PSMA6: variants seen among roughly 807,000 people sequenced by gnomAD.
PSMA6 encodes the protein proteasome 20S subunit alpha 6, also known as proteasome subunit alpha type-6.
For missense variants in PSMA6, 170 were observed against 294.8 expected (o/e 0.58, Z 3.10); for synonymous variants, 88 against 97.7 (o/e 0.90, Z 0.59).
At chr14:35,297,119 G>GTTTTTTTTTT (rs924383407) in intron 1 of PSMA6, among the ~76,000 whole-genome samples, 1 of 62,656 alleles carries the variant, frequency 1.6e-5, no homozygotes, top group Non-Finnish European at 2.9e-5. Flanking sequence ...TCTTAACAAA[G>GTTTTTTTTTT]TTTTTTTTTT....
intron 5 of PSMA6, 28 bp downstream of exon 5, chr14:35,313,087 T>C: frequency 6.5e-7 from 1 of 1,538,626 alleles, no homozygotes; most frequent in Non-Finnish European, 8.7e-7. Flanking sequence ...AGCTGACTTT[T>C]TTTATGCTAT....
At chr14:35,294,022 T>G (rs1360479102) in intron 1 of PSMA6, among the ~76,000 whole-genome samples, 1 of 152,228 alleles carries the variant, frequency 6.6e-6, no homozygotes, top group Non-Finnish European at 1.5e-5. Flanking sequence ...ACAAGTTCAT[T>G]ATCTAGACAG....
upstream of PSMA6, chr14:35,292,324 C>G (rs564068623): frequency 6.8e-7 from 1 of 1,472,048 alleles, no homozygotes; most frequent in African/African-American, 1.4e-5. Context: ...AGTGCTCGAA[C>G]TGGCTCCAGA....
chr14:35,317,426 G>A lies in PSMA6; in HGVS notation c.*120G>A, dbSNP rs1211663111. On this transcript the variant is annotated 3_prime_UTR_variant, in exon 7 of 7. Coordinates refer to ENST00000261479, the MANE Select transcript of PSMA6 (RefSeq NM_002791.3). ...AGCCTCTCCCACTCCTCCTACCACC[G>A]AAGTGGTTAGGACTCTATATAAATA... 8 of 844,212 alleles carry A rather than the reference G, an allele frequency of 9.5e-6. No homozygotes were observed. Among genetic ancestry groups the A allele is most frequent in the South Asian group, 3.0e-5 (2 of 66,198 alleles). 52.3% of individuals were successfully genotyped at this position (844,212 alleles called of 1,614,324 possible). A position where few individuals can be genotyped will look rare whatever the true frequency, so the allele number is the denominator to read the frequency against.
At chr14:35,282,550 G>T (rs752387625) in intron 1 of PSMA6, among the ~76,000 whole-genome samples, 1 of 152,010 alleles carries the variant, frequency 6.6e-6, no homozygotes, top group Non-Finnish European at 1.5e-5. Flanking sequence ...ATGAGCCATT[G>T]CACCTAACCT....
chr14:35,311,483 A>G (rs1393343066), intron 4 of PSMA6, among the ~76,000 whole-genome samples: 1 of 152,192 alleles, frequency 6.6e-6, no homozygotes, highest in African/African-American at 2.4e-5. Context: ...ATTTCTGTTT[A>G]GCATCTGACC....
intron 1 of PSMA6, among the ~76,000 whole-genome samples, chr14:35,307,054 A>C (rs538838163): frequency 6.6e-6 from 1 of 152,216 alleles, no homozygotes; most frequent in Admixed American, 6.5e-5. Context: ...AGGCTGAGGC[A>C]GGAGAATCAC....
rs763278923 is a variant in PSMA6 at position 35,317,326 on chromosome 14, A to G, written c.*20A>G. On this transcript the variant is annotated 3_prime_UTR_variant, in exon 7 of 7. Coordinates refer to ENST00000261479, the MANE Select transcript of PSMA6 (RefSeq NM_002791.3). The stretch of plus-strand genomic sequence containing the variant: ...GACTAAACATTGTCGTTAGTTTACC[A>G]GATCCGTGATGCCACTTACCTGTGT... The G allele has an allele frequency of 3.8e-6, 6 of 1,590,208 alleles. No homozygotes were observed. The East Asian group carries it at 1.1e-4, about 30-fold the overall frequency.
In PSMA6 at chr14:35,295,607, C is replaced by T. The variant is rs140825189; in HGVS notation, c.76+3055C>T. Among the ~76,000 whole-genome samples, 1,283 of 151,934 alleles carry T rather than the reference C, an allele frequency of 8.4e-3. 25 individuals carry two copies. Among genetic ancestry groups the T allele is most frequent in the African/African-American group, 0.029 (1,184 of 41,464 alleles). ...AGCTGGGATTACAGACATGTGCCACCACTCCTGGCTAATTTTGCAGTTTTA... is the reference window on the plus strand; with the variant it reads ...AGCTGGGATTACAGACATGTGCCACTACTCCTGGCTAATTTTGCAGTTTTA... On this transcript the variant is annotated intron_variant, in intron 1 of 6. Coordinates refer to ENST00000261479, the MANE Select transcript of PSMA6 (RefSeq NM_002791.3).
chr14:35,309,263 T>A (rs7156874), intron 3 of PSMA6, among the ~76,000 whole-genome samples: 8,791 of 152,326 alleles, frequency 0.058, 333 homozygotes, highest in Middle Eastern at 0.11. Flanking sequence ...TTATCTTATT[T>A]CAGCTATAGT....
chr14:35,303,145 G>T (rs947085664), intron 1 of PSMA6, among the ~76,000 whole-genome samples: 1 of 152,128 alleles, frequency 6.6e-6, no homozygotes, highest in African/African-American at 2.4e-5. Flanking sequence ...GAAGACTGTG[G>T]ATTCTGTTAT....
At chr14:35,285,472 T>TGGATTGGAGAAGAGGGG (rs2051413931) in intron 1 of PSMA6, among the ~76,000 whole-genome samples, 2 of 152,356 alleles carry the variant, frequency 1.3e-5, no homozygotes, top group South Asian at 4.1e-4. Flanking sequence ...CTCATTCATT[T>TGGATTGGAGAAGAGGGG]GCATTTTCTC....
rs924092864 is a variant in PSMA6, at chr14:35,308,251, G to A, written c.171+163G>A. The A allele has an allele frequency of 1.0e-5, 8 of 801,596 alleles. No individual in the cohort carries two copies. In the African/African-American group the frequency reaches 1.1e-4, roughly 11 times the overall value. 49.7% of individuals were successfully genotyped at this position (801,596 alleles called of 1,614,324 possible). A position where few individuals can be genotyped will look rare whatever the true frequency, so the allele number is the denominator to read the frequency against. ...AGCGTGACCAACATGGAGAAACCCT[G>A]TCTCTATTAAAAATACAAAATTAGT... On this transcript the variant is annotated intron_variant, in intron 2 of 6. Coordinates refer to ENST00000261479, the MANE Select transcript of PSMA6 (RefSeq NM_002791.3).
At chr14:35,289,826 G>A (rs2051457907), upstream of PSMA6, among the ~76,000 whole-genome samples, 1 of 150,510 alleles carries the variant, frequency 6.6e-6, no homozygotes, top group African/African-American at 2.5e-5. Context: ...GGGAGGCTGA[G>A]GCCAGAGGAT....
At chr14:35,303,351 A>G (rs1281511216) in intron 1 of PSMA6, among the ~76,000 whole-genome samples, 4 of 152,166 alleles carry the variant, frequency 2.6e-5, no homozygotes, top group Admixed American at 2.0e-4. Flanking sequence ...TTATATATAG[A>G]AGTTGGGACT....
chr14:35,295,351 G>C (rs562047461), intron 1 of PSMA6, among the ~76,000 whole-genome samples: 56 of 150,744 alleles, frequency 3.7e-4, no homozygotes, highest in African/African-American at 1.3e-3. Context: ...AAAAAAAAAA[G>C]TTGTAATGCC....
intron 4 of PSMA6, among the ~76,000 whole-genome samples, chr14:35,312,568 G>A (rs961653632): frequency 6.7e-6 from 1 of 149,644 alleles, no homozygotes; most frequent in Non-Finnish European, 1.5e-5. Flanking sequence ...GCAACATCTT[G>A]AAGGATTAGG....
Position 35,309,007 on chromosome 14 carries a change from G to A in PSMA6, c.253+12G>A. 6.4e-7 allele frequency: 1 copy of A among 1,552,968 alleles called. No individual in the cohort carries two copies. The highest frequency in any genetic ancestry group is 8.8e-7 in the Non-Finnish European group (1 of 1,130,146). On this transcript the variant is annotated intron_variant, in intron 3 of 6. Transcript: ENST00000261479. ...GACCGGAATGACAGGTAATTAATCT[G>A]TAGATATACAAGACATCTGTAGATA...
At chr14:35,298,820 G>A (rs769533747) in intron 1 of PSMA6, among the ~76,000 whole-genome samples, 12 of 150,044 alleles carry the variant, frequency 8.0e-5, no homozygotes, top group African/African-American at 1.5e-4. Flanking sequence ...TATAACTTCC[G>A]CCTCCCAGGT....
Sources: gnomAD v4.1 joint callset for allele counts (sites outside exome capture counted in the v4.1 genomes callset) on GRCh38, gnomAD v4.1.1 for gene constraint, MANE v1.5 for transcripts, NCBI Gene and HGNC (gene_info 2026-07-23, HGNC 2026-07-21) for gene names.